The following TANGO6 variants were observed in gnomAD, a reference collection of about 807,000 sequenced individuals.
TANGO6 encodes the protein transport and golgi organization 6 homolog.
In TANGO6, 90 loss-of-function variants were observed where a neutral mutation model predicts 114.2. That is an observed-to-expected ratio of 0.79 (90% CI 0.66 to 0.94). TANGO6 has a LOEUF of 0.94. Among genes scored for constraint, TANGO6 ranks in the 40% least tolerant of loss-of-function variants. The pLI, the probability that TANGO6 is intolerant of heterozygous loss-of-function variation, is 0.00. For missense variants in TANGO6, 1,274 were observed against 1,315.3 expected (o/e 0.97, Z 0.49); for synonymous variants, 477 against 509.8 (o/e 0.94, Z 0.87).
chr16:68,867,134 G>T lies in TANGO6; in HGVS notation c.908G>T (p.Arg303Leu). The part of the protein sequence containing the change: ...MRCRAPAWLR[R>L]LCGQLLSERL... Reference sequence around the variant, plus strand: ...TGTCGGGCCCCAGCTTGGCTTCGGCGTCTATGTGGACAGCTGCTCTCTGAA... The same window carrying T: ...TGTCGGGCCCCAGCTTGGCTTCGGCTTCTATGTGGACAGCTGCTCTCTGAA... The change falls in exon 4 of 18, where the codon CGT (arginine) becomes CTT (leucine). Residue 303 changes from arginine to leucine, a missense_variant. Physicochemically the swap from Arg to Leu is moderately radical, Grantham distance 102 (BLOSUM62 -2). Coordinates refer to ENST00000261778, the MANE Select transcript of TANGO6 (RefSeq NM_024562.2). The T allele has an allele frequency of 1.2e-6, 2 of 1,613,886 alleles. No homozygotes were observed. Among genetic ancestry groups the T allele is most frequent in the East Asian group, 4.5e-5 (2 of 44,886 alleles).
intron 15 of TANGO6, among the ~76,000 whole-genome samples, chr16:68,997,280 TAA>T (rs1964000255): frequency 6.6e-6 from 1 of 152,112 alleles, no homozygotes; most frequent in African/African-American, 2.4e-5. Flanking sequence ...AGTAAAGGAA[TAA>T]AAGGATGGCT....
intron 14 of TANGO6, among the ~76,000 whole-genome samples, chr16:68,973,687 A>G (rs1016243512): frequency 2.6e-5 from 4 of 152,206 alleles, no homozygotes; most frequent in Admixed American, 2.0e-4. Context: ...TTCCTTGTGG[A>G]AACTGCTCCC....
At chr16:68,943,727 A>G (rs1193157214) in intron 14 of TANGO6, among the ~76,000 whole-genome samples, 1 of 152,066 alleles carries the variant, frequency 6.6e-6, no homozygotes, top group Non-Finnish European at 1.5e-5. Flanking sequence ...TTTGCCCTTT[A>G]AGATAAGAAT....
intron 17 of TANGO6, among the ~76,000 whole-genome samples, chr16:69,049,488 A>G (rs1160976090): frequency 2.0e-5 from 3 of 151,728 alleles, no homozygotes; most frequent in African/African-American, 7.3e-5. Flanking sequence ...CTGGTGTACA[A>G]TGGCGCCATC....
intron 14 of TANGO6, among the ~76,000 whole-genome samples, chr16:68,961,510 A>G (rs1251813347): frequency 2.0e-5 from 3 of 152,250 alleles, no homozygotes; most frequent in Non-Finnish European, 1.5e-5. Context: ...TTACGACTGT[A>G]CAAGGCATAT....
intron 16 of TANGO6, among the ~76,000 whole-genome samples, chr16:69,032,788 A>G (rs1047932613): frequency 6.4e-4 from 97 of 151,702 alleles, no homozygotes; most frequent in African/African-American, 2.2e-3. Context: ...TGAGGCAGAG[A>G]ACTGCTTGAA....
chr16:68,847,190 A>G (rs2152148365), intron 1 of TANGO6, among the ~76,000 whole-genome samples: 1 of 152,188 alleles, frequency 6.6e-6, no homozygotes, highest in South Asian at 2.1e-4. Flanking sequence ...GCGCCCGGCC[A>G]AAGAGGTAAT....
intron 14 of TANGO6, chr16:68,972,915 C>T (rs1373975016): frequency 5.8e-5 from 16 of 276,236 alleles, no homozygotes; most frequent in Non-Finnish European, 1.1e-4. Flanking sequence ...GGAAGTGAGG[C>T]CGACTCCTCC....
At chr16:68,980,543 A>G (rs1597045996) in intron 15 of TANGO6, among the ~76,000 whole-genome samples, 2 of 149,274 alleles carry the variant, frequency 1.3e-5, no homozygotes, top group Non-Finnish European at 3.0e-5. Context: ...AGCTGGGATT[A>G]TGCACACGAG....
At chr16:68,906,611 C>CT (rs767533417) in intron 9 of TANGO6, among the ~76,000 whole-genome samples, 1 of 151,218 alleles carries the variant, frequency 6.6e-6, no homozygotes, top group Non-Finnish European at 1.5e-5. Flanking sequence ...GCCATGTTGT[C>CT]TATGTTACTT....
intron 15 of TANGO6, among the ~76,000 whole-genome samples, chr16:69,020,896 ATGTATGTATGTG>A (rs1447183065): frequency 1.9e-4 from 15 of 78,162 alleles, no homozygotes; most frequent in South Asian, 4.1e-4. Context: ...CCCTTTATAT[ATGTATGTATGTG>A]TGTGTGTGTG....
intron 10 of TANGO6, among the ~76,000 whole-genome samples, chr16:68,908,225 G>A (rs1962878148): frequency 6.6e-6 from 1 of 152,152 alleles, no homozygotes; most frequent in Non-Finnish European, 1.5e-5. Context: ...TAAGGTTTCT[G>A]TGGGTATGGG....
intron 17 of TANGO6, among the ~76,000 whole-genome samples, chr16:69,065,174 A>G (rs2152241403): frequency 6.6e-6 from 1 of 152,180 alleles, no homozygotes; most frequent in South Asian, 2.1e-4. Flanking sequence ...ATTCTGAAAC[A>G]TTTTGCCACC....
intron 3 of TANGO6, among the ~76,000 whole-genome samples, chr16:68,866,579 C>T (rs1384297078): frequency 4.1e-5 from 6 of 147,154 alleles, no homozygotes; most frequent in African/African-American, 7.6e-5. Context: ...GCCGAGATTG[C>T]GCCACTGCAG....
At chr16:68,891,834 G>A (rs1335683861) in intron 7 of TANGO6, among the ~76,000 whole-genome samples, 3 of 140,964 alleles carry the variant, frequency 2.1e-5, no homozygotes, top group Non-Finnish European at 4.6e-5. Flanking sequence ...GAGGAGGGAG[G>A]GAAAGGGAAA....
intron 7 of TANGO6, among the ~76,000 whole-genome samples, chr16:68,893,403 C>A (rs1962656203): frequency 6.6e-6 from 1 of 152,108 alleles, no homozygotes; most frequent in African/African-American, 2.4e-5. Flanking sequence ...AGGGAACTTT[C>A]AGTGATATGC....
At chr16:68,962,675 T>A (rs1177829483) in intron 14 of TANGO6, among the ~76,000 whole-genome samples, 1 of 149,804 alleles carries the variant, frequency 6.7e-6, no homozygotes, top group Non-Finnish European at 1.5e-5. Flanking sequence ...GCAGGAGAAT[T>A]GCTTGAACCT....
rs189442023 is a variant in TANGO6 at position 68,859,410 on chromosome 16, A to G, written c.95-474A>G. 1.9e-4 allele frequency among the ~76,000 whole-genome samples: 29 copies of G among 152,188 alleles called. No homozygotes were observed. The East Asian group carries it at 4.1e-3, about 21-fold the overall frequency. Reference sequence around the variant, plus strand: ...GGTCTTGAACTCCTAGGCTCATGCAACCATCCCACTTTGGCCTCCCAAAGT... The same window carrying G: ...GGTCTTGAACTCCTAGGCTCATGCAGCCATCCCACTTTGGCCTCCCAAAGT... On this transcript the variant is annotated intron_variant, in intron 1 of 17. Coordinates refer to ENST00000261778, the MANE Select transcript of TANGO6 (RefSeq NM_024562.2).
At chr16:68,909,633 A>G in intron 11 of TANGO6, 1 of 346,852 alleles carries the variant, frequency 2.9e-6, no homozygotes. Flanking sequence ...TCATGCAAGT[A>G]AAATTTTGTC....
Sources: gnomAD v4.1 joint callset for allele counts (sites outside exome capture counted in the v4.1 genomes callset) on GRCh38, gnomAD v4.1.1 for gene constraint, MANE v1.5 for transcripts, NCBI Gene and HGNC (gene_info 2026-07-23, HGNC 2026-07-21) for gene names.